TDRP: variants seen among roughly 807,000 people sequenced by gnomAD.
TDRP encodes the protein testis development-related protein.
TDRP carries 12 observed loss-of-function variants against 10.5 expected under a neutral mutation model. The ratio of observed to expected loss-of-function variants is 1.15; its 90% CI spans 0.73 to 1.86. The LOEUF is 1.86. Ranked by LOEUF, TDRP falls within the 40% of genes most tolerant of loss-of-function variation. The pLI, the probability that TDRP is intolerant of heterozygous loss-of-function variation, is 0.00. For missense variants in TDRP, 353 were observed against 229.2 expected (o/e 1.54, Z -3.49); for synonymous variants, 139 against 95.4 (o/e 1.46, Z -2.67).
rs577137504 is a variant in TDRP at position 491,527 on chromosome 8, C to T, written c.*872G>A. On this transcript the variant is annotated 3_prime_UTR_variant, in exon 3 of 3. Coordinates refer to ENST00000324079, the MANE Select transcript of TDRP (RefSeq NM_001384899.1). Reference sequence around the variant, plus strand: ...CTAACACCAATCACAATAGGCATCTCGCTTTGCAAGAACAAACATATGAGC... The same window carrying T: ...CTAACACCAATCACAATAGGCATCTTGCTTTGCAAGAACAAACATATGAGC... The T allele has an allele frequency of 1.1e-5, 15 of 1,324,936 alleles. No homozygotes were observed. The highest frequency in any genetic ancestry group is 5.2e-5 in the East Asian group (2 of 38,728). The allele number at this position is 1,324,936 out of a possible 1,614,324, so 82.1% of individuals were successfully genotyped here. A position where few individuals can be genotyped will look rare whatever the true frequency, so the allele number is the denominator to read the frequency against.
chr8:538,086 G>A (rs1052186651), intron 1 of TDRP, among the ~76,000 whole-genome samples: 2 of 152,178 alleles, frequency 1.3e-5, no homozygotes, highest in African/African-American at 4.8e-5. Flanking sequence ...TTAAAACAGG[G>A]AGACTCCAAT....
chr8:518,450 G>T (rs1293401344), intron 1 of TDRP, among the ~76,000 whole-genome samples: 1 of 151,932 alleles, frequency 6.6e-6, no homozygotes, highest in Non-Finnish European at 1.5e-5. Flanking sequence ...TGTAGAAATG[G>T]AATAAAAGTA....
intron 1 of TDRP, among the ~76,000 whole-genome samples, chr8:517,769 T>G (rs191713143): frequency 2.0e-5 from 3 of 152,372 alleles, no homozygotes; most frequent in Admixed American, 1.3e-4. Flanking sequence ...ATTGTCATTG[T>G]GTCTCAGAAT....
chr8:512,270 C>CAA (rs768810423), intron 1 of TDRP, among the ~76,000 whole-genome samples: 4 of 124,456 alleles, frequency 3.2e-5, no homozygotes, highest in Admixed American at 8.0e-5. Context: ...ACAACAACAA[C>CAA]AACAAAAAAA....
chr8:538,267 C>T (rs2116874818), intron 1 of TDRP, among the ~76,000 whole-genome samples: 1 of 152,250 alleles, frequency 6.6e-6, no homozygotes, highest in South Asian at 2.1e-4. Flanking sequence ...ACATCAAGGC[C>T]AGGGGATGAG....
intron 1 of TDRP, among the ~76,000 whole-genome samples, chr8:517,357 G>C (rs529690093): frequency 6.6e-5 from 10 of 152,276 alleles, no homozygotes; most frequent in East Asian, 3.9e-4. Context: ...CCCTTCCCAG[G>C]TCTTTTCCTG....
intron 2 of TDRP, among the ~76,000 whole-genome samples, chr8:493,529 T>A (rs1035476897): frequency 2.6e-5 from 4 of 152,240 alleles, no homozygotes; most frequent in African/African-American, 7.2e-5. Context: ...AAAAGCCAAC[T>A]CTGTACTTGT....
chr8:492,833 T>C (rs1801020093), intron 2 of TDRP, 89 bp from the exon 3 acceptor site: 3 of 1,068,640 alleles, frequency 2.8e-6, no homozygotes, highest in Non-Finnish European at 3.9e-6. Flanking sequence ...TTCTTTAAAA[T>C]TTTAAAAAAT....
At chr8:531,111 T>A (rs536538724) in intron 1 of TDRP, among the ~76,000 whole-genome samples, 2 of 152,120 alleles carry the variant, frequency 1.3e-5, no homozygotes. Context: ...GAGAGTTGGG[T>A]GTTTACTACC....
At chr8:534,177 T>C (rs1054838477) in intron 1 of TDRP, among the ~76,000 whole-genome samples, 1 of 152,208 alleles carries the variant, frequency 6.6e-6, no homozygotes, top group Non-Finnish European at 1.5e-5. Context: ...CTAACACAAA[T>C]TATTTACAAG....
chr8:501,630 A>T (rs1286344105), intron 1 of TDRP, among the ~76,000 whole-genome samples: 3 of 152,300 alleles, frequency 2.0e-5, no homozygotes, highest in African/African-American at 7.2e-5. Flanking sequence ...TACAGGCGTG[A>T]GACACCGCGC....
At chr8:496,450 A>G (rs898057840) in intron 1 of TDRP, among the ~76,000 whole-genome samples, 3 of 152,220 alleles carry the variant, frequency 2.0e-5, no homozygotes, top group Non-Finnish European at 4.4e-5. Context: ...ACTCTGAGCA[A>G]TGCCCCATGA....
rs762937190 is a variant in TDRP at position 494,532 on chromosome 8, C to T, written c.174G>A (p.Gln58=). The T allele has an allele frequency of 1.9e-6, 3 of 1,613,890 alleles. No homozygotes were observed. Among genetic ancestry groups the T allele is most frequent in the Non-Finnish European group, 2.5e-6 (3 of 1,179,848 alleles). The change falls in exon 2 of 3, where the codon CAG becomes CAA. Residue 58 remains glutamine, a synonymous_variant. Transcript: ENST00000324079. ...VTSLFNKDDE[Q]HLLERCKSPK... is the part of the protein sequence containing the mutation. ...GAGATTTACATCTTTCCAGGAGATG[C>T]TGCTCATCATCTTTGTTAAACAGTG... is the stretch of plus-strand genomic sequence containing the variant.
At chr8:539,098 C>T (rs1802423848) in intron 1 of TDRP, among the ~76,000 whole-genome samples, 2 of 152,204 alleles carry the variant, frequency 1.3e-5, no homozygotes, top group South Asian at 4.1e-4. Flanking sequence ...ATTTAAAATC[C>T]TGTATATCCA....
rs1801006353 is a variant in TDRP at position 492,470 on chromosome 8, C to T, written c.487G>A (p.Ala163Thr). The change falls in exon 3 of 3, where the codon GCA (alanine) becomes ACA (threonine). Residue 163 changes from alanine to threonine, a missense_variant. Physicochemically the swap from Ala to Thr is moderately conservative, Grantham distance 58. Coordinates refer to ENST00000324079, the MANE Select transcript of TDRP (RefSeq NM_001384899.1). ...CGTCGGATGCTCACCAGCCTCCCTG[C>T]CGCGCGCAGGCTCCACCTGGAGCTG... ...ANSSRWSLRAAGRLVSIRRQS... is the reference protein window; with the variant it reads ...ANSSRWSLRATGRLVSIRRQS... 6.2e-7 allele frequency: 1 copy of T among 1,605,284 alleles called. No homozygotes were observed. Among genetic ancestry groups the T allele is most frequent in the Non-Finnish European group, 8.5e-7 (1 of 1,173,756 alleles).
At chr8:517,059 T>C (rs1343416970) in intron 1 of TDRP, among the ~76,000 whole-genome samples, 1 of 152,108 alleles carries the variant, frequency 6.6e-6, no homozygotes, top group Non-Finnish European at 1.5e-5. Context: ...GTTCAGGCCG[T>C]GATGGGAAGG....
chr8:538,102 C>T (rs1394838763), intron 1 of TDRP, among the ~76,000 whole-genome samples: 1 of 152,202 alleles, frequency 6.6e-6, no homozygotes, highest in Non-Finnish European at 1.5e-5. Flanking sequence ...CCAATCAAGG[C>T]TATCTCAATA....
At position 524,699 on chromosome 8, in the gene TDRP, T is replaced by C. The variant is rs145641577; in HGVS notation, c.108+19951A>G. On this transcript the variant is annotated intron_variant, in intron 1 of 2. Transcript: ENST00000324079. ...GAATGCATCAGTCTCAAAAGTAGAA[T>C]TGATGAGGCAGAAGAAAGAATTAGT... 3.3e-5 allele frequency among the ~76,000 whole-genome samples: 5 copies of C among 152,270 alleles called. 1 individual carries two copies. The highest frequency in any genetic ancestry group is 4.1e-4 in the South Asian group (2 of 4,820).
At chr8:531,293 G>A (rs1463704911) in intron 1 of TDRP, among the ~76,000 whole-genome samples, 3 of 152,148 alleles carry the variant, frequency 2.0e-5, no homozygotes, top group East Asian at 1.9e-4. Context: ...ATTGTTGTCA[G>A]TCAGAGTCCG....
Sources: gnomAD v4.1 joint callset for allele counts (sites outside exome capture counted in the v4.1 genomes callset) on GRCh38, gnomAD v4.1.1 for gene constraint, MANE v1.5 for transcripts, NCBI Gene and HGNC (gene_info 2026-07-23, HGNC 2026-07-21) for gene names.